ITGAL: variants seen among roughly 807,000 people sequenced by gnomAD.
ITGAL encodes integrin subunit alpha L, also known as integrin alpha-L.
A neutral mutation model predicts 138.4 loss-of-function variants in ITGAL; 68 were observed. The ratio of observed to expected loss-of-function variants is 0.49; its 90% CI spans 0.40 to 0.60. ITGAL has a LOEUF of 0.60. Among genes scored for constraint, ITGAL ranks in the 20% least tolerant of loss-of-function variants. ITGAL has a pLI of 0.00. For synonymous variants in ITGAL, 561 were observed against 584.3 expected, an observed-to-expected ratio of 0.96 and a Z score of 0.57; for missense variants, 1,256 against 1,478.6, an observed-to-expected ratio of 0.85 and a Z score of 2.47.
At chr16:30,508,063 C>CA (rs2051031839) in intron 21 of ITGAL, among the ~76,000 whole-genome samples, 1 of 150,778 alleles carries the variant, frequency 6.6e-6, no homozygotes, top group African/African-American at 2.4e-5. Context: ...CGCCCACCAC[C>CA]ACGCCCAGCT....
chr16:30,486,849 G>T (rs2050654470), intron 9 of ITGAL, among the ~76,000 whole-genome samples: 1 of 152,148 alleles, frequency 6.6e-6, no homozygotes, highest in Admixed American at 6.6e-5. Context: ...AGACTGGAGT[G>T]CAGTAGTGCG....
In ITGAL at chr16:30,499,144, G is replaced by A. The variant is rs1389285263; in HGVS notation, c.1903G>A (p.Glu635Lys). ...AGCTGAGATCCCAGTGCATGAAGTG[G>A]AGTGCTCCTATTCAACCAGTAACAA... ...SPAEIPVHEV[E>K]CSYSTSNKMK... Residue 635 changes from glutamate to lysine, a missense_variant, in exon 16 of 31, where the codon GAG (glutamate) becomes AAG (lysine). By Grantham distance (56) the Glu-to-Lys change is moderately conservative. This residue lies in a region of ITGAL where 867 missense variants were observed against 972.5 expected (regional missense o/e 0.89). Transcript: ENST00000356798. 2 of 1,614,086 alleles carry A rather than the reference G, an allele frequency of 1.2e-6. No individual in the cohort carries two copies. Among genetic ancestry groups the A allele is most frequent in the East Asian group, 4.5e-5 (2 of 44,876 alleles).
In ITGAL at chr16:30,508,890, A is replaced by T. The variant is rs549840108; in HGVS notation, c.2509-1471A>T. 3.5e-4 allele frequency among the ~76,000 whole-genome samples: 53 copies of T among 152,090 alleles called. 1 individual carries two copies. Among genetic ancestry groups the T allele is most frequent in the Admixed American group, 3.0e-3 (46 of 15,268 alleles). On this transcript the variant is annotated intron_variant, in intron 21 of 30. Coordinates refer to ENST00000356798, the MANE Select transcript of ITGAL (RefSeq NM_002209.3). ...AACAAAAAACAAAAAACAAAAAAAA[A>T]ACTGGGCTGGGTGTGGCGGTTCACG...
At chr16:30,510,099 C>T (rs897812256) in intron 21 of ITGAL, among the ~76,000 whole-genome samples, 4 of 152,040 alleles carry the variant, frequency 2.6e-5, no homozygotes, top group African/African-American at 4.8e-5. Context: ...AGGCTGATCT[C>T]GAACTCCTGG....
At chr16:30,473,196 C>T (rs1444309148) in intron 1 of ITGAL, among the ~76,000 whole-genome samples, 1 of 152,150 alleles carries the variant, frequency 6.6e-6, no homozygotes, top group Admixed American at 6.5e-5. Context: ...CTTTAGGAGG[C>T]TAAAGTGGGC....
At chr16:30,504,137 T>C (rs926100461) in intron 17 of ITGAL, 38 bp from the exon 18 acceptor site, 13 of 1,489,784 alleles carry the variant, frequency 8.7e-6, no homozygotes, top group Non-Finnish European at 1.1e-5. Context: ...CGGTAAAAGT[T>C]AGATTCATGA....
chr16:30,502,725 G>A (rs1347538450), intron 17 of ITGAL, among the ~76,000 whole-genome samples: 1 of 150,208 alleles, frequency 6.7e-6, no homozygotes, highest in Non-Finnish European at 1.5e-5. Flanking sequence ...TCCAGCCTGG[G>A]CAATGATAGT....
At position 30,521,785 on chromosome 16, in the gene ITGAL, A is replaced by G; in HGVS notation, c.*120A>G. On this transcript the variant is annotated 3_prime_UTR_variant, in exon 31 of 31. Coordinates refer to ENST00000356798, the MANE Select transcript of ITGAL (RefSeq NM_002209.3). ...GAGTCACTGCCTCTCCCTGGCCCTC[A>G]GTTTCCCTATCTCGAACATGGAACT... 1.1e-6 allele frequency: 1 copy of G among 942,740 alleles called. No individual in the cohort carries two copies. The highest frequency in any genetic ancestry group is 1.7e-5 in the African/African-American group (1 of 60,364). 58.4% of individuals were successfully genotyped at this position (942,740 alleles called of 1,614,324 possible).
rs1337844932 is a variant in ITGAL, at chr16:30,494,724, T to C, written c.1377T>C (p.Tyr459=). 1.2e-6 allele frequency: 2 copies of C among 1,609,360 alleles called. No individual in the cohort carries two copies. Among genetic ancestry groups the C allele is most frequent in the East Asian group, 4.5e-5 (2 of 44,786 alleles). The change falls in exon 13 of 31, where the codon TAT becomes TAC. Residue 459 remains tyrosine, a synonymous_variant. Transcript: ENST00000356798. The surrounding 1 kb of genome is among the most constrained non-coding windows in gnomAD (Gnocchi z 4.2). The stretch of plus-strand genomic sequence containing the variant: ...GCCTCTCCCCACAGATTGGCTCTTA[T>C]TTCGGTGGGGAGCTGTGTGGCGTCG... ...QTIHGTQIGS[Y]FGGELCGVDV... is the part of the protein sequence containing the mutation.
At chr16:30,506,678 C>A in intron 20 of ITGAL, 37 bp from the exon 21 acceptor site, 2 of 1,579,310 alleles carry the variant, frequency 1.3e-6, no homozygotes, top group Non-Finnish European at 1.7e-6. Context: ...CCACCCTGAT[C>A]CTCCCTCCTC....
intron 24 of ITGAL, among the ~76,000 whole-genome samples, chr16:30,512,990 C>A (rs140076631): frequency 6.6e-6 from 1 of 152,212 alleles, no homozygotes; most frequent in African/African-American, 2.4e-5. Context: ...CGTAAGCCAC[C>A]GCGCCTGGCC....
At chr16:30,493,380 C>A (rs1266575586) in intron 11 of ITGAL, among the ~76,000 whole-genome samples, 3 of 151,732 alleles carry the variant, frequency 2.0e-5, no homozygotes, top group Non-Finnish European at 4.4e-5. Flanking sequence ...CCCAGGTTCA[C>A]ATTCTCCTGT....
chr16:30,512,825 C>T (rs1033571347), intron 24 of ITGAL, among the ~76,000 whole-genome samples: 3 of 151,964 alleles, frequency 2.0e-5, no homozygotes, highest in African/African-American at 4.8e-5. Flanking sequence ...CTCAGCCTCC[C>T]GAGTAGCTGG....
At chr16:30,481,345 TAAAAAAAAA>T (rs57608894) in intron 6 of ITGAL, 85 bp from the exon 7 acceptor site, 2 of 448,928 alleles carry the variant, frequency 4.5e-6, no homozygotes, top group East Asian at 5.8e-5. Context: ...AAACTCCATC[TAAAAAAAAA>T]AAAAAAAAAA....
At position 30,479,161 on chromosome 16, in the gene ITGAL, GC is replaced by G; in HGVS notation, c.400del (p.Gln134ArgfsTer22). On this transcript the variant is annotated frameshift_variant, in exon 5 of 31. Transcript: ENST00000356798. LOFTEE classifies it high-confidence loss of function. ...TYLSGLCYLF[R>X]QNLQGPMLQG... is the part of the protein sequence containing the mutation. ...CTGAGTGGCCTGTGTTACCTCTTCCGCCAGAATCTGCAGGGTCCCATGCTGC... is the reference window on the plus strand; with the variant it reads ...CTGAGTGGCCTGTGTTACCTCTTCCGCAGAATCTGCAGGGTCCCATGCTGC... 1 of 1,614,064 alleles carries G rather than the reference GC, an allele frequency of 6.2e-7. No individual in the cohort carries two copies. The highest frequency in any genetic ancestry group is 1.1e-5 in the South Asian group (1 of 91,080).
intron 24 of ITGAL, among the ~76,000 whole-genome samples, chr16:30,513,175 C>A (rs1207695568): frequency 6.6e-6 from 1 of 152,106 alleles, no homozygotes; most frequent in African/African-American, 2.4e-5. Flanking sequence ...ACCTAGATGT[C>A]CTCATCAGAG....
intron 18 of ITGAL, 36 bp from the exon 19 acceptor site, chr16:30,505,208 C>T (rs2050968348): frequency 1.3e-6 from 2 of 1,536,478 alleles, no homozygotes; most frequent in Non-Finnish European, 1.8e-6. Flanking sequence ...CAGTTAATCT[C>T]TCCTCTCTCC....
At chr16:30,484,823 G>A (rs192734747) in intron 9 of ITGAL, among the ~76,000 whole-genome samples, 6 of 152,016 alleles carry the variant, frequency 3.9e-5, no homozygotes, top group East Asian at 3.9e-4. Flanking sequence ...GGGGGCTGAG[G>A]CAGGAGAATC....
At chr16:30,514,438 G>A (rs552320742) in intron 25 of ITGAL, among the ~76,000 whole-genome samples, 3 of 152,190 alleles carry the variant, frequency 2.0e-5, no homozygotes, top group Middle Eastern at 3.4e-3. Context: ...CACCATGCCC[G>A]GCTAATTTTT....
Sources: allele counts gnomAD v4.1 joint callset (sites outside exome capture counted in the v4.1 genomes callset), GRCh38; gene constraint gnomAD v4.1.1; regional missense constraint gnomAD v4.1.1; non-coding constraint Gnocchi (gnomAD v3.1); transcripts MANE v1.5; gene names NCBI Gene and HGNC (gene_info 2026-07-23, HGNC 2026-07-21).